ANKS1B: variants seen among roughly 807,000 people sequenced by gnomAD.
ANKS1B encodes the protein ankyrin repeat and sterile alpha motif domain containing 1B, also known as ankyrin repeat and sterile alpha motif domain-containing protein 1B.
Under a neutral mutation model 148.3 loss-of-function variants are expected in ANKS1B, and 36 were observed. That is an observed-to-expected ratio of 0.24 (90% confidence interval 0.19 to 0.32). ANKS1B has a LOEUF of 0.32. ANKS1B is among the 10% of genes least tolerant of loss of function. The probability of loss-of-function intolerance (pLI) is 1.00; values close to 1 mark genes in which losing one functional copy is unlikely to be tolerated. For missense variants in ANKS1B, 1,157 were observed against 1,542.6 expected (o/e 0.75, Z 4.19); for synonymous variants, 542 against 560.8 (o/e 0.97, Z 0.47).
chr12:99,304,675 G>A (rs11836964), intron 12 of ANKS1B, among the ~76,000 whole-genome samples: 41,067 of 151,974 alleles, frequency 0.27, 8,926 homozygotes, highest in African/African-American at 0.61. Context: ...TCATATATCA[G>A]TAAACAATTG....
Position 99,435,427 on chromosome 12 carries a change from A to C in ANKS1B, c.1575+8246T>G, listed in dbSNP as rs575755661. 3.3e-5 allele frequency among the ~76,000 whole-genome samples: 5 copies of C among 152,218 alleles called. No homozygotes were observed. In the East Asian group the frequency reaches 9.7e-4, roughly 29 times the overall value. ...AAGGTTCCCAAATACATTTTCTAAAATCCACAGTTGCCATGATCAGAGCTA... is the reference window on the plus strand; with the variant it reads ...AAGGTTCCCAAATACATTTTCTAAACTCCACAGTTGCCATGATCAGAGCTA... On this transcript the variant is annotated intron_variant, in intron 11 of 26. Transcript: ENST00000683438.
At chr12:99,268,903 G>T (rs1042306118) in intron 12 of ANKS1B, among the ~76,000 whole-genome samples, 22 of 152,110 alleles carry the variant, frequency 1.4e-4, no homozygotes, top group African/African-American at 5.3e-4. Context: ...GAGACAATAA[G>T]TTCTGTCTCT....
chr12:99,409,759 A>G (rs1301447636), intron 11 of ANKS1B, among the ~76,000 whole-genome samples: 1 of 151,916 alleles, frequency 6.6e-6, no homozygotes, highest in African/African-American at 2.4e-5. Flanking sequence ...ATAAAAAAGA[A>G]TAGGTCTAGA....
intron 9 of ANKS1B, among the ~76,000 whole-genome samples, chr12:99,557,646 C>G (rs1567345174): frequency 6.6e-6 from 1 of 152,168 alleles, no homozygotes; most frequent in Non-Finnish European, 1.5e-5. Flanking sequence ...TATTCATATT[C>G]TGAATTCTAT....
At chr12:99,227,523 C>T (rs1336917573) in intron 14 of ANKS1B, among the ~76,000 whole-genome samples, 1 of 152,190 alleles carries the variant, frequency 6.6e-6, no homozygotes, top group Non-Finnish European at 1.5e-5. Flanking sequence ...AGCCAAAAGT[C>T]AGGAGCCTGT....
intron 22 of ANKS1B, among the ~76,000 whole-genome samples, chr12:98,797,759 A>G (rs1441925762): frequency 6.6e-6 from 1 of 152,182 alleles, no homozygotes; most frequent in Non-Finnish European, 1.5e-5. Context: ...AACAATGGAT[A>G]TTTCATGTTT....
At chr12:99,654,359 T>C (rs1046329732) in intron 9 of ANKS1B, among the ~76,000 whole-genome samples, 1 of 152,226 alleles carries the variant, frequency 6.6e-6, no homozygotes, top group African/African-American at 2.4e-5. Context: ...ACCCACGTTC[T>C]ATGTAATTAA....
chr12:99,835,039 G>A (rs1723559741), intron 1 of ANKS1B, among the ~76,000 whole-genome samples: 1 of 152,090 alleles, frequency 6.6e-6, no homozygotes, highest in Non-Finnish European at 1.5e-5. Context: ...TCAGTTTAGT[G>A]ATGGCACAAT....
intron 14 of ANKS1B, among the ~76,000 whole-genome samples, chr12:99,231,459 G>C (rs545916139): frequency 7.2e-5 from 11 of 152,196 alleles, no homozygotes; most frequent in Admixed American, 2.0e-4. Context: ...AAGTCAACAA[G>C]CTACTTATTC....
chr12:99,048,471 G>T (rs890556360), intron 17 of ANKS1B, among the ~76,000 whole-genome samples: 2 of 152,072 alleles, frequency 1.3e-5, no homozygotes, highest in Non-Finnish European at 2.9e-5. Context: ...TGGCCCAGAG[G>T]TACTGCAAGA....
At position 99,027,438 on chromosome 12, in the gene ANKS1B, C is replaced by T. The variant is rs1328624039; in HGVS notation, c.2778+25719G>A. Among the ~76,000 whole-genome samples, 5 of 152,250 alleles carry T rather than the reference C, an allele frequency of 3.3e-5. No homozygotes were observed. In the South Asian group the frequency reaches 1.0e-3, roughly 32 times the overall value. The stretch of plus-strand genomic sequence containing the variant: ...ATGTGCTGATCAGAGAGTCAGAGTT[C>T]CTTAGATATCAGGTACCCAAACTCT... On this transcript the variant is annotated intron_variant, in intron 17 of 26. Transcript: ENST00000683438.
intron 17 of ANKS1B, among the ~76,000 whole-genome samples, chr12:98,975,021 C>T (rs1318446228): frequency 7.1e-6 from 1 of 139,986 alleles, no homozygotes. Flanking sequence ...CCCTCCCTCC[C>T]CTCCCTTCCT....
At chr12:99,625,213 A>C (rs1042398956) in intron 9 of ANKS1B, among the ~76,000 whole-genome samples, 1 of 152,090 alleles carries the variant, frequency 6.6e-6, no homozygotes, top group African/African-American at 2.4e-5. Flanking sequence ...ATGAACAAAA[A>C]CATGGGAACA....
chr12:99,506,584 A>G (rs1016380042), intron 9 of ANKS1B, among the ~76,000 whole-genome samples: 3 of 152,012 alleles, frequency 2.0e-5, no homozygotes, highest in African/African-American at 7.2e-5. Context: ...TTATAGCCAC[A>G]TAATAGTTTT....
chr12:98,756,210 T>C (rs919335212), intron 25 of ANKS1B, among the ~76,000 whole-genome samples: 1 of 152,154 alleles, frequency 6.6e-6, no homozygotes, highest in Non-Finnish European at 1.5e-5. Flanking sequence ...TGGGAGGTAA[T>C]TGAATCATGG....
At chr12:99,891,931 C>G (rs73374400) in intron 1 of ANKS1B, among the ~76,000 whole-genome samples, 8,400 of 152,218 alleles carry the variant, frequency 0.055, 753 homozygotes, top group African/African-American at 0.19. Flanking sequence ...ATGTTGACAA[C>G]TGATAGTTCT....
intron 14 of ANKS1B, among the ~76,000 whole-genome samples, chr12:99,178,011 C>A (rs1056353039): frequency 6.6e-5 from 10 of 152,224 alleles, no homozygotes; most frequent in African/African-American, 2.2e-4. Flanking sequence ...CTTCCATACA[C>A]AATTGAGATA....
At chr12:98,937,329 G>A (rs1005938490) in intron 17 of ANKS1B, among the ~76,000 whole-genome samples, 3 of 151,964 alleles carry the variant, frequency 2.0e-5, no homozygotes, top group African/African-American at 7.3e-5. Flanking sequence ...AGGGGTAGGT[G>A]ATAAAAATGT....
intron 15 of ANKS1B, chr12:99,097,152 A>G (rs924387681): frequency 6.6e-5 from 10 of 152,316 alleles, no homozygotes; most frequent in Middle Eastern, 3.4e-3. Flanking sequence ...AGATTTATTA[A>G]AAAACATTTA....
Sources: gnomAD v4.1 joint callset for allele counts (sites outside exome capture counted in the v4.1 genomes callset) on GRCh38, gnomAD v4.1.1 for gene constraint, MANE v1.5 for transcripts, NCBI Gene and HGNC (gene_info 2026-07-23, HGNC 2026-07-21) for gene names.